PHLPP2: variants seen among roughly 807,000 people sequenced by gnomAD.
PHLPP2 encodes PH domain and leucine rich repeat protein phosphatase 2, also known as PH domain leucine-rich repeat-containing protein phosphatase 2.
A neutral mutation model predicts 124.9 loss-of-function variants in PHLPP2; 66 were observed. The observed-to-expected ratio is 0.53, with a 90% CI of 0.43 to 0.65. PHLPP2 has a LOEUF of 0.65. Ranked by LOEUF, PHLPP2 falls within the 30% of genes least tolerant of loss-of-function variation. The probability of loss-of-function intolerance (pLI) is 0.00; values close to 1 mark genes in which losing one functional copy is unlikely to be tolerated. For synonymous variants in PHLPP2, 681 were observed against 624.7 expected (o/e 1.09, Z -1.34); for missense variants, 1,685 against 1,600.4 (o/e 1.05, Z -0.90).
intron 1 of PHLPP2, chr16:71,715,446 C>G (rs1210508086): frequency 6.6e-6 from 1 of 152,202 alleles, no homozygotes; most frequent in East Asian, 1.9e-4. Context: ...GAGGCCAAGG[C>G]TGGCGGATCA....
At chr16:71,713,087 A>C (rs1396582004) in intron 2 of PHLPP2, among the ~76,000 whole-genome samples, 1 of 152,206 alleles carries the variant, frequency 6.6e-6, no homozygotes, top group African/African-American at 2.4e-5. Flanking sequence ...TCAACACACA[A>C]ATGGCTTTTA....
chr16:71,684,405 C>T (rs375049522), intron 5 of PHLPP2, 71 bp downstream of exon 5: 21 of 1,521,022 alleles, frequency 1.4e-5, no homozygotes, highest in African/African-American at 1.4e-5. Flanking sequence ...GGATTACAGA[C>T]GTGAGCCACC....
At chr16:71,709,872 C>T (rs991328838) in intron 2 of PHLPP2, among the ~76,000 whole-genome samples, 5 of 152,078 alleles carry the variant, frequency 3.3e-5, no homozygotes, top group African/African-American at 7.2e-5. Context: ...ATCTCTCTGT[C>T]GCCCAGGCTG....
Position 71,646,481 on chromosome 16 carries a change from G to C in PHLPP2, c.*2409C>G, listed in dbSNP as rs1427952282. 3 of 152,168 alleles carry C rather than the reference G, an allele frequency of 2.0e-5. No individual in the cohort carries two copies. Among genetic ancestry groups the C allele is most frequent in the African/African-American group, 7.2e-5 (3 of 41,446 alleles). The allele number at this position is 152,168 out of a possible 1,614,324, so 9.4% of individuals were successfully genotyped here. On this transcript the variant is annotated 3_prime_UTR_variant, in exon 19 of 19. Coordinates refer to ENST00000568954, the MANE Select transcript of PHLPP2 (RefSeq NM_015020.3). ...TAAGGTCATTTCAGAACTGGGTTTT[G>C]AGGTGGTTCCAATAAGTAGGTTGGG...
intron 10 of PHLPP2, among the ~76,000 whole-genome samples, chr16:71,669,954 G>A (rs2044876157): frequency 6.6e-6 from 1 of 152,104 alleles, no homozygotes; most frequent in Admixed American, 6.5e-5. Context: ...TTTATCAAGC[G>A]ATATAATGAG....
intron 2 of PHLPP2, among the ~76,000 whole-genome samples, chr16:71,713,411 G>C (rs2045336501): frequency 6.6e-6 from 1 of 152,084 alleles, no homozygotes; most frequent in Admixed American, 6.6e-5. Flanking sequence ...AGAAGAATTT[G>C]ACAGTAACTA....
chr16:71,696,328 G>C (rs1004437689), intron 3 of PHLPP2, among the ~76,000 whole-genome samples: 2 of 152,062 alleles, frequency 1.3e-5, no homozygotes, highest in African/African-American at 4.8e-5. Flanking sequence ...GTGCAACTTG[G>C]GAATGCTCAG....
intron 3 of PHLPP2, among the ~76,000 whole-genome samples, chr16:71,699,629 C>T (rs745319887): frequency 1.1e-4 from 16 of 152,312 alleles, no homozygotes; most frequent in African/African-American, 3.1e-4. Context: ...GAATTTGGGA[C>T]GCACCAAGTG....
chr16:71,688,986 T>C (rs979485466), intron 4 of PHLPP2, among the ~76,000 whole-genome samples: 1 of 152,296 alleles, frequency 6.6e-6, no homozygotes, highest in South Asian at 2.1e-4. Flanking sequence ...GCAGTTATTG[T>C]TTTAGCTTTC....
At chr16:71,691,355 G>A (rs2045110783) in intron 3 of PHLPP2, among the ~76,000 whole-genome samples, 2 of 152,056 alleles carry the variant, frequency 1.3e-5, no homozygotes, top group African/African-American at 4.8e-5. Context: ...CAGCTGCTCA[G>A]GAAGCTGAGG....
intron 9 of PHLPP2, among the ~76,000 whole-genome samples, chr16:71,674,202 C>T (rs2044922485): frequency 6.6e-6 from 1 of 151,818 alleles, no homozygotes; most frequent in African/African-American, 2.4e-5. Context: ...CTTAGCCTCC[C>T]GAATAGCTGG....
chr16:71,686,438 T>G lies in PHLPP2; in HGVS notation c.610-1837A>C, dbSNP rs879288735. 1.4e-4 allele frequency among the ~76,000 whole-genome samples: 21 copies of G among 152,240 alleles called. No individual in the cohort carries two copies. In the South Asian group the frequency reaches 4.4e-3, roughly 32 times the overall value. On this transcript the variant is annotated intron_variant, in intron 4 of 18. Transcript: ENST00000568954. Reference sequence around the variant, plus strand: ...ATTCTCCTGCCTCAGCCTCCCAAAGTGCTAGGATTACAGGTGTGAGCCACT... The same window carrying G: ...ATTCTCCTGCCTCAGCCTCCCAAAGGGCTAGGATTACAGGTGTGAGCCACT...
At chr16:71,666,797 T>C (rs964543294) in intron 12 of PHLPP2, among the ~76,000 whole-genome samples, 1 of 152,232 alleles carries the variant, frequency 6.6e-6, no homozygotes, top group Non-Finnish European at 1.5e-5. Context: ...AAATTAACTT[T>C]AGTGGTACGT....
chr16:71,700,525 T>C (rs920585210), intron 3 of PHLPP2, among the ~76,000 whole-genome samples: 2 of 136,064 alleles, frequency 1.5e-5, no homozygotes, highest in Admixed American at 7.2e-5. Flanking sequence ...ATTTCTTTTT[T>C]TTTTTTTTTT....
rs1216940647 is a variant in PHLPP2 at position 71,645,888 on chromosome 16, G to A, written c.*3002C>T. 2.0e-5 allele frequency: 3 copies of A among 152,364 alleles called. No individual in the cohort carries two copies. The highest frequency in any genetic ancestry group is 7.2e-5 in the African/African-American group (3 of 41,408). The allele number at this position is 152,364 out of a possible 1,614,324, so 9.4% of individuals were successfully genotyped here. A position where few individuals can be genotyped will look rare whatever the true frequency, so the allele number is the denominator to read the frequency against. On this transcript the variant is annotated 3_prime_UTR_variant, in exon 19 of 19. Transcript: ENST00000568954. ...ATTCAAATATCCTTCCAATCCATTT[G>A]GACAAAAATACACCATGGCTGCCAA...
At chr16:71,673,897 T>C (rs1379939711) in intron 9 of PHLPP2, among the ~76,000 whole-genome samples, 2 of 152,156 alleles carry the variant, frequency 1.3e-5, no homozygotes, top group Non-Finnish European at 2.9e-5. Flanking sequence ...AAGCAATTAA[T>C]CTAAGCTACA....
intron 2 of PHLPP2, among the ~76,000 whole-genome samples, chr16:71,709,220 T>A (rs967284778): frequency 6.6e-5 from 10 of 152,314 alleles, no homozygotes; most frequent in African/African-American, 2.4e-4. Flanking sequence ...CAGTTCAGTA[T>A]GTATCCTAAA....
At chr16:71,714,840 A>G (rs2045350088) in intron 1 of PHLPP2, 39 bp from the exon 2 acceptor site, 1 of 1,579,662 alleles carries the variant, frequency 6.3e-7, no homozygotes, top group Non-Finnish European at 8.6e-7. Flanking sequence ...TAGCTAGAAC[A>G]TCTGACTGAA....
In PHLPP2 at chr16:71,652,851, C is replaced by T. The variant is rs139380794; in HGVS notation, c.2756G>A (p.Ser919Asn). Residue 919 changes from serine to asparagine, a missense_variant, in exon 18 of 19, where the codon AGC becomes AAC. Coordinates refer to ENST00000568954, the MANE Select transcript of PHLPP2 (RefSeq NM_015020.3). ...AGCCTCCTCTGGGTCCTGCTCCAGG[C>T]TGAAGACTTTAGAGAGGGGCACTGG... ...GKPVPLSKVF[S>N]LEQDPEEAQR... 0.015 allele frequency: 23,638 copies of T among 1,614,150 alleles called. 239 individuals carry two copies. The highest frequency in any genetic ancestry group is 0.017 in the Non-Finnish European group (20,075 of 1,180,020).
Sources: gnomAD v4.1 joint callset for allele counts (sites outside exome capture counted in the v4.1 genomes callset) on GRCh38, gnomAD v4.1.1 for gene constraint, MANE v1.5 for transcripts, NCBI Gene and HGNC (gene_info 2026-07-23, HGNC 2026-07-21) for gene names.